ATP2C2: variants seen among roughly 807,000 people sequenced by gnomAD.
ATP2C2 encodes calcium-transporting ATPase type 2C member 2.
ATP2C2 carries 171 observed loss-of-function variants against 110.8 expected under a neutral mutation model. The ratio of observed to expected loss-of-function variants is 1.54; its 90% confidence interval spans 1.36 to 1.75. ATP2C2 has a LOEUF of 1.75. ATP2C2 is among the 40% of genes most tolerant of loss of function. The pLI is 0.00. For synonymous variants in ATP2C2, 804 were observed against 508.4 expected, an observed-to-expected ratio of 1.58 and a Z score of -7.82; for missense variants, 1,963 against 1,235.0, an observed-to-expected ratio of 1.59 and a Z score of -8.84.
intron 1 of ATP2C2, among the ~76,000 whole-genome samples, chr16:84,389,365 C>A (rs1207042420): frequency 6.6e-6 from 1 of 152,250 alleles, no homozygotes; most frequent in Non-Finnish European, 1.5e-5. Context: ...AGCTGCACCC[C>A]AGGAGGGCGT....
intron 11 of ATP2C2, among the ~76,000 whole-genome samples, chr16:84,434,116 T>G (rs1908529053): frequency 6.6e-6 from 1 of 152,068 alleles, no homozygotes; most frequent in South Asian, 2.1e-4. Context: ...CTTTAAGAAC[T>G]TTTTTAAAAC....
rs1250758811 is a variant in ATP2C2 at position 84,415,478 on chromosome 16, T to G, written c.516-5T>G. 6.2e-7 allele frequency: 1 copy of G among 1,613,372 alleles called. No homozygotes were observed. The highest frequency in any genetic ancestry group is 8.5e-7 in the Non-Finnish European group (1 of 1,179,270). Reference sequence around the variant, plus strand: ...TGCTTTTGCTTTTTACCATGTCAAATGCAGCCTAAGAGAAGGAAAACTCCA... The same window carrying G: ...TGCTTTTGCTTTTTACCATGTCAAAGGCAGCCTAAGAGAAGGAAAACTCCA... On this transcript the variant is annotated splice_region_variant and splice_polypyrimidine_tract_variant and intron_variant, in intron 6 of 26. Transcript: ENST00000262429.
At chr16:84,383,096 T>C (rs1910678817) in intron 1 of ATP2C2, among the ~76,000 whole-genome samples, 1 of 152,144 alleles carries the variant, frequency 6.6e-6, no homozygotes, top group Non-Finnish European at 1.5e-5. Flanking sequence ...GCTAGTGGGT[T>C]CCTGGGAGCC....
chr16:84,441,430 T>C (rs907589494), intron 14 of ATP2C2, among the ~76,000 whole-genome samples: 2 of 152,160 alleles, frequency 1.3e-5, no homozygotes, highest in African/African-American at 4.8e-5. Flanking sequence ...TTAGTGAGCC[T>C]GTGATGATGT....
chr16:84,382,454 G>A (rs575908821), intron 1 of ATP2C2, among the ~76,000 whole-genome samples: 2 of 152,298 alleles, frequency 1.3e-5, no homozygotes, highest in African/African-American at 2.4e-5. Context: ...GCATTGACTT[G>A]ACTCATGCCT....
intron 6 of ATP2C2, among the ~76,000 whole-genome samples, chr16:84,411,204 A>G (rs1290306533): frequency 1.3e-5 from 2 of 152,138 alleles, no homozygotes; most frequent in African/African-American, 4.8e-5. Flanking sequence ...AGCATAGGGT[A>G]TAGGAAGAGT....
chr16:84,426,106 G>A (rs1907792628), intron 11 of ATP2C2: 3 of 354,800 alleles, frequency 8.5e-6, no homozygotes, highest in African/African-American at 6.3e-5. Context: ...TAGTTTAATT[G>A]GCCTATGGTT....
In ATP2C2 at chr16:84,459,118, A is replaced by T; in HGVS notation, c.2148-2A>T. On this transcript the variant is annotated splice_acceptor_variant, in intron 21 of 26. Coordinates refer to ENST00000262429, the MANE Select transcript of ATP2C2 (RefSeq NM_014861.4). LOFTEE classifies it high-confidence loss of function. The stretch of plus-strand genomic sequence containing the variant: ...TGAGTAAATGGCTCTCTTCTCTTGC[A>T]GGAATGCAGTGGAGGAAGGCAAGGG... 1 of 1,614,122 alleles carries T rather than the reference A, an allele frequency of 6.2e-7. No individual in the cohort carries two copies. Among genetic ancestry groups the T allele is most frequent in the African/African-American group, 1.3e-5 (1 of 75,066 alleles).
chr16:84,390,437 C>G (rs1359711586), intron 1 of ATP2C2, among the ~76,000 whole-genome samples: 1 of 152,238 alleles, frequency 6.6e-6, no homozygotes, highest in Non-Finnish European at 1.5e-5. Flanking sequence ...GGAAACCTTT[C>G]TCTTCTAGGC....
intron 16 of ATP2C2, among the ~76,000 whole-genome samples, chr16:84,447,879 AC>A (rs1909903964): frequency 7.5e-6 from 1 of 132,708 alleles, no homozygotes; most frequent in East Asian, 2.1e-4. Flanking sequence ...TATGTTAATT[AC>A]ATATTAATAA....
intron 24 of ATP2C2, chr16:84,461,270 G>A (rs1406579712): frequency 2.1e-5 from 6 of 283,308 alleles, no homozygotes; most frequent in Non-Finnish European, 3.3e-5. Flanking sequence ...GGTGACCCAT[G>A]TGACCACACC....
intron 10 of ATP2C2, among the ~76,000 whole-genome samples, chr16:84,425,078 C>A (rs970676113): frequency 1.3e-5 from 2 of 152,286 alleles, no homozygotes; most frequent in Admixed American, 1.3e-4. Context: ...AGCTGCCCCC[C>A]TCAATACATA....
chr16:84,436,701 C>T (rs936715941), intron 11 of ATP2C2, among the ~76,000 whole-genome samples: 1 of 151,902 alleles, frequency 6.6e-6, no homozygotes, highest in Non-Finnish European at 1.5e-5. Flanking sequence ...TGGGGAGGAT[C>T]CGGCCAACCT....
rs377423196 is a variant in ATP2C2, at chr16:84,440,850, C to G, written c.1210-7C>G. ...GGCGAAACCCTTTCTTCTGCCTCGC[C>G]CTGCAGGTCAGCGGAGTTGGGTATG... On this transcript the variant is annotated splice_region_variant and splice_polypyrimidine_tract_variant and intron_variant, in intron 13 of 26. Transcript: ENST00000262429. The G allele has an allele frequency of 7.5e-6, 12 of 1,609,852 alleles. No homozygotes were observed. The African/African-American group carries it at 1.3e-4, about 18-fold the overall frequency.
intron 21 of ATP2C2, 57 bp downstream of exon 21, chr16:84,455,041 C>T (rs1910664132): frequency 1.9e-6 from 3 of 1,602,536 alleles, no homozygotes; most frequent in Admixed American, 1.7e-5. Flanking sequence ...TCACCAGCTT[C>T]TCCCTGGAAC....
intron 5 of ATP2C2, 33 bp from the exon 6 acceptor site, chr16:84,410,670 CT>C (rs776587835): frequency 6.2e-7 from 1 of 1,613,892 alleles, no homozygotes; most frequent in African/African-American, 1.3e-5. Context: ...GAGTCCCCAC[CT>C]TTAAACAGCA....
chr16:84,411,886 C>T (rs1016008065), intron 6 of ATP2C2, among the ~76,000 whole-genome samples: 1 of 152,082 alleles, frequency 6.6e-6, no homozygotes, highest in Non-Finnish European at 1.5e-5. Flanking sequence ...AGGAAGCTGA[C>T]AGGCCCAGGA....
intron 11 of ATP2C2, among the ~76,000 whole-genome samples, chr16:84,438,388 G>A (rs999234500): frequency 6.6e-6 from 1 of 152,130 alleles, no homozygotes; most frequent in Non-Finnish European, 1.5e-5. Flanking sequence ...AGTCAGCCCC[G>A]ATGTTGTGGA....
intron 11 of ATP2C2, among the ~76,000 whole-genome samples, chr16:84,432,292 AG>A (rs1244526985): frequency 6.6e-6 from 1 of 152,000 alleles, no homozygotes; most frequent in African/African-American, 2.4e-5. Flanking sequence ...TTTTTCTTTA[AG>A]TTCTAGGATA....
Sources: gnomAD v4.1 joint callset for allele counts (sites outside exome capture counted in the v4.1 genomes callset) on GRCh38, gnomAD v4.1.1 for gene constraint, MANE v1.5 for transcripts, NCBI Gene and HGNC (gene_info 2026-07-23, HGNC 2026-07-21) for gene names.